ATG7: variants seen among roughly 807,000 people sequenced by gnomAD.
ATG7 encodes ubiquitin-like modifier-activating enzyme ATG7.
Under a neutral mutation model 82.4 loss-of-function variants are expected in ATG7, and 70 were observed. The ratio of observed to expected loss-of-function variants is 0.85; its 90% CI spans 0.70 to 1.04. The LOEUF is 1.04. Among genes scored for constraint, ATG7 ranks in the 50% least tolerant of loss-of-function variants. ATG7 has a pLI of 0.00. For synonymous variants in ATG7, 287 were observed against 313.0 expected, an observed-to-expected ratio of 0.92 and a Z score of 0.88; for missense variants, 792 against 864.3, an observed-to-expected ratio of 0.92 and a Z score of 1.05.
intron 20 of ATG7, among the ~76,000 whole-genome samples, chr3:11,473,167 G>A (rs1422609734): frequency 3.9e-5 from 6 of 152,126 alleles, no homozygotes; most frequent in Non-Finnish European, 5.9e-5. Context: ...AAACATTATA[G>A]CACTTTGGGC....
At chr3:11,338,404 C>T (rs1397853725) in intron 11 of ATG7, among the ~76,000 whole-genome samples, 1 of 152,156 alleles carries the variant, frequency 6.6e-6, no homozygotes, top group Non-Finnish European at 1.5e-5. Flanking sequence ...TTAAGAGACA[C>T]ATTTTTAATT....
chr3:11,347,990 G>C lies in ATG7; in HGVS notation c.1239G>C (p.Lys413Asn). ...FEDCLGGGKP[K>N]ALAAADRLQK... ...ATTGCCTAGGGGGTGGTAAGCCCAA[G>C]GCTCTGGCAGCAGCGGACCGGCTCC... The change falls in exon 14 of 21, where the codon AAG (lysine) becomes AAC (asparagine). Residue 413 changes from lysine to asparagine, a missense_variant. By Grantham distance (94) the Lys-to-Asn change is moderately conservative (BLOSUM62 0). Coordinates refer to ENST00000693202, the MANE Select transcript of ATG7 (RefSeq NM_001349232.2). 1 of 1,614,122 alleles carries C rather than the reference G, an allele frequency of 6.2e-7. No homozygotes were observed. The highest frequency in any genetic ancestry group is 1.1e-5 in the South Asian group (1 of 91,082).
chr3:11,378,512 A>G (rs2077608106), intron 18 of ATG7, among the ~76,000 whole-genome samples: 1 of 150,702 alleles, frequency 6.6e-6, no homozygotes, highest in African/African-American at 2.4e-5. Flanking sequence ...GCAAAACCCC[A>G]TCTCTACTAA....
intron 19 of ATG7, among the ~76,000 whole-genome samples, chr3:11,390,724 G>T (rs2078730469): frequency 6.8e-6 from 1 of 147,812 alleles, no homozygotes; most frequent in African/African-American, 2.5e-5. Context: ...TGAATAAAGA[G>T]AATGAGCAAT....
chr3:11,291,487 G>C (rs184329571), intron 3 of ATG7, among the ~76,000 whole-genome samples: 9 of 152,306 alleles, frequency 5.9e-5, no homozygotes, highest in African/African-American at 2.2e-4. Flanking sequence ...ACCACTTCCT[G>C]TGTGACTCTG....
chr3:11,551,587 A>AT (rs924601299), intron 20 of ATG7, among the ~76,000 whole-genome samples: 32 of 151,820 alleles, frequency 2.1e-4, no homozygotes, highest in African/African-American at 6.8e-4. Flanking sequence ...TGCTTTTATA[A>AT]TTTTTTTTAA....
At chr3:11,453,308 C>A (rs1182535060) in intron 20 of ATG7, among the ~76,000 whole-genome samples, 1 of 152,152 alleles carries the variant, frequency 6.6e-6, no homozygotes, top group Non-Finnish European at 1.5e-5. Context: ...AGAAGCAAGC[C>A]AAGTAGTTTC....
downstream of ATG7, among the ~76,000 whole-genome samples, chr3:11,561,116 C>G (rs1443762967): frequency 2.1e-5 from 3 of 145,410 alleles, no homozygotes; most frequent in East Asian, 3.9e-4. Flanking sequence ...TGACCTTGGG[C>G]TCTAGGAGAC....
intron 19 of ATG7, among the ~76,000 whole-genome samples, chr3:11,396,350 G>C (rs1034149932): frequency 5.9e-5 from 9 of 152,000 alleles, no homozygotes; most frequent in Middle Eastern, 3.2e-3. Flanking sequence ...TGAGGTGAGA[G>C]GATTGCTTGA....
rs1285028235 is a variant in ATG7 at position 11,342,197 on chromosome 3, T to C, written c.1043T>C (p.Leu348Ser). 2 of 1,613,640 alleles carry C rather than the reference T, an allele frequency of 1.2e-6. No homozygotes were observed. The highest frequency in any genetic ancestry group is 2.2e-5 in the East Asian group (1 of 44,850). The change falls in exon 13 of 21, where the codon TTA (leucine) becomes TCA (serine). Residue 348 changes from leucine (L) to serine (S), a missense_variant. Leu to Ser is a moderately radical substitution (Grantham distance 145, BLOSUM62 -2). Transcript: ENST00000693202. ...KLMCWRLVPT[L>S]DLDKVVSVKC... is the part of the protein sequence containing the mutation. ...ATGTGTTGGAGATTGGTTCCTACTT[T>C]AGACTTGGACAAGGTTGTGTCTGTC...
intron 3 of ATG7, among the ~76,000 whole-genome samples, chr3:11,290,845 C>T (rs1033814924): frequency 1.3e-4 from 19 of 151,958 alleles, no homozygotes; most frequent in African/African-American, 3.6e-4. Flanking sequence ...CCACCATGCC[C>T]GGCTAATTTT....
chr3:11,342,466 A>G (rs1322880358), intron 13 of ATG7, among the ~76,000 whole-genome samples, 187 bp downstream of exon 13: 1 of 152,172 alleles, frequency 6.6e-6, no homozygotes, highest in Non-Finnish European at 1.5e-5. Flanking sequence ...ATAGAAACAG[A>G]AAGTCCTCCA....
chr3:11,391,830 C>T (rs1350349639), intron 19 of ATG7, among the ~76,000 whole-genome samples: 1 of 152,062 alleles, frequency 6.6e-6, no homozygotes, highest in African/African-American at 2.4e-5. Context: ...ATGGAGAGAG[C>T]ATTAGGCTCA....
intron 7 of ATG7, among the ~76,000 whole-genome samples, chr3:11,312,477 C>T (rs1361175925): frequency 6.6e-6 from 1 of 152,174 alleles, no homozygotes; most frequent in African/African-American, 2.4e-5. Flanking sequence ...CAGATATACC[C>T]GTGAAGATGT....
At chr3:11,313,448 A>G (rs755610196) in intron 8 of ATG7, 28 bp downstream of exon 8, 2 of 1,525,300 alleles carry the variant, frequency 1.3e-6, no homozygotes, top group Non-Finnish European at 1.8e-6. Context: ...AAATGCACAT[A>G]AAATTGGGTT....
rs145767782 is a variant in ATG7, at chr3:11,407,275, C to G, written c.1957-19529C>G. On this transcript the variant is annotated intron_variant, in intron 19 of 20. Coordinates refer to ENST00000693202, the MANE Select transcript of ATG7 (RefSeq NM_001349232.2). The stretch of plus-strand genomic sequence containing the variant: ...CTCCTTTGACTCCGTGTCTCACATC[C>G]AGGTCATGCTGATGCAAGAGGTGGG... Among the ~76,000 whole-genome samples the G allele has an allele frequency of 1.8e-3, 274 of 152,322 alleles. 1 individual carries two copies. Among genetic ancestry groups the G allele is most frequent in the African/African-American group, 5.7e-3 (237 of 41,574 alleles).
At chr3:11,476,166 A>G (rs1295124735) in intron 20 of ATG7, among the ~76,000 whole-genome samples, 1 of 152,054 alleles carries the variant, frequency 6.6e-6, no homozygotes, top group Non-Finnish European at 1.5e-5. Context: ...CTCAAAACTG[A>G]TGTCACCTGT....
intron 20 of ATG7, among the ~76,000 whole-genome samples, chr3:11,507,273 C>T (rs1183864704): frequency 6.6e-6 from 1 of 152,062 alleles, no homozygotes; most frequent in Non-Finnish European, 1.5e-5. Flanking sequence ...CAGAGTGAGA[C>T]TCCATCTCAA....
Position 11,280,038 on chromosome 3 carries a change from ATTTCT to A in ATG7, c.-365-942_-365-938del, listed in dbSNP as rs749497006. ...AATAACTAATGGAAGCCCCAATTTC[ATTTCT>A]TTTCTTTTCTTTTTTTTTTTTGAGA... On this transcript the variant is annotated intron_variant, in intron 1 of 20. Coordinates refer to ENST00000693202, the MANE Select transcript of ATG7 (RefSeq NM_001349232.2). Among the ~76,000 whole-genome samples the A allele has an allele frequency of 3.0e-4, 44 of 148,582 alleles. No individual in the cohort carries two copies. The East Asian group carries it at 7.3e-3, about 25-fold the overall frequency.
Sources: gnomAD v4.1 joint callset for allele counts (sites outside exome capture counted in the v4.1 genomes callset) on GRCh38, gnomAD v4.1.1 for gene constraint, MANE v1.5 for transcripts, NCBI Gene and HGNC (gene_info 2026-07-23, HGNC 2026-07-21) for gene names.